Variants in ARID1B observed in about 807,000 individuals in gnomAD.
ARID1B encodes AT-rich interactive domain-containing protein 1B.
ARID1B carries 30 observed loss-of-function variants against 212.3 expected under a neutral mutation model. The observed-to-expected ratio is 0.14, with a 90% CI of 0.11 to 0.19. ARID1B has a LOEUF of 0.19. Ranked by LOEUF, ARID1B falls within the 10% of genes least tolerant of loss-of-function variation. ARID1B has a pLI of 1.00. For missense variants in ARID1B, 2,891 were observed against 3,204.0 expected, an observed-to-expected ratio of 0.90 and a Z score of 2.36; for synonymous variants, 1,402 against 1,301.7, an observed-to-expected ratio of 1.08 and a Z score of -1.66.
At chr6:156,822,672 T>A (rs577796094) in intron 1 of ARID1B, among the ~76,000 whole-genome samples, 1 of 152,358 alleles carries the variant, frequency 6.6e-6, no homozygotes, top group East Asian at 1.9e-4. Context: ...GACCAGAGTA[T>A]GCATTCAGTA....
At chr6:157,050,457 T>C (rs1782525634) in intron 4 of ARID1B, among the ~76,000 whole-genome samples, 1 of 152,226 alleles carries the variant, frequency 6.6e-6, no homozygotes, top group African/African-American at 2.4e-5. Flanking sequence ...GGCAGGAGAA[T>C]TGCTTGAACC....
In ARID1B at chr6:157,201,159, A is replaced by G; in HGVS notation, c.4934A>G (p.Tyr1645Cys). Reference protein sequence around the residue: ...WPSHVSQRQPYMSSSASMQPI... With the variant: ...WPSHVSQRQPCMSSSASMQPI... ...TCTCACGTCAGCCAGCGTCAGCCTT[A>G]TATGTCGTCCTCAGCCTCCATGCAG... is the stretch of plus-strand genomic sequence containing the variant. The change falls in exon 18 of 20, where the codon TAT (tyrosine) becomes TGT (cysteine). Residue 1645 changes from tyrosine (Y) to cysteine (C), a missense_variant. Around this residue, in one of 7 missense-constraint regions of ARID1B, gnomAD observed 666 missense variants for 873.5 expected, o/e 0.76. Coordinates refer to ENST00000636930, the MANE Select transcript of ARID1B (RefSeq NM_001374828.1). The surrounding 1 kb of genome is among the most constrained non-coding windows in gnomAD (Gnocchi z 5.2). The G allele has an allele frequency of 6.2e-7, 1 of 1,614,114 alleles. No homozygotes were observed. The highest frequency in any genetic ancestry group is 1.1e-5 in the South Asian group (1 of 91,082).
At chr6:157,149,150 C>T in intron 8 of ARID1B, 199 bp downstream of exon 8, 1 of 608,426 alleles carries the variant, frequency 1.6e-6, no homozygotes, top group Non-Finnish European at 2.9e-6. Flanking sequence ...TTTTATGATA[C>T]ATGAGGAAGG....
intron 4 of ARID1B, chr6:157,036,634 A>G (rs531449044): frequency 2.9e-6 from 1 of 343,676 alleles, no homozygotes; most frequent in African/African-American, 2.1e-5. Context: ...GTCTTATAGA[A>G]CTGAAACCCA....
At chr6:156,800,156 A>G (rs989218110) in intron 1 of ARID1B, among the ~76,000 whole-genome samples, 3 of 152,274 alleles carry the variant, frequency 2.0e-5, no homozygotes, top group Non-Finnish European at 4.4e-5. Context: ...CCTAAAGAGA[A>G]AACTCAGAAT....
At chr6:156,953,902 A>G (rs1447507740) in intron 4 of ARID1B, among the ~76,000 whole-genome samples, 1 of 152,208 alleles carries the variant, frequency 6.6e-6, no homozygotes, top group Non-Finnish European at 1.5e-5. Context: ...ATGTTTAAAA[A>G]TTACATTTTT....
At position 157,181,091 on chromosome 6, in the gene ARID1B, T is replaced by C; in HGVS notation, c.3627T>C (p.Pro1209=). 3.1e-6 allele frequency: 5 copies of C among 1,614,200 alleles called. No homozygotes were observed. Among genetic ancestry groups the C allele is most frequent in the Non-Finnish European group, 4.2e-6 (5 of 1,180,038 alleles). ...CCTTCATGGAAGAGAGAGGCTCTCC[T>C]GTCTCAAGTCTGCCTGCCGTGGGCA... ...YLTFMEERGS[P]VSSLPAVGKK... Residue 1209 remains proline, a synonymous_variant, in exon 12 of 20, where the codon CCT becomes CCC. Coordinates refer to ENST00000636930, the MANE Select transcript of ARID1B (RefSeq NM_001374828.1).
In ARID1B at chr6:157,200,717, C is replaced by G; in HGVS notation, c.4492C>G (p.His1498Asp). The change falls in exon 18 of 20, where the codon CAT (histidine) becomes GAT (aspartate). Residue 1498 changes from histidine to aspartate, a missense_variant. Coordinates refer to ENST00000636930, the MANE Select transcript of ARID1B (RefSeq NM_001374828.1). This position sits in a 1 kb window ranked among gnomAD's most constrained non-coding sequence, Gnocchi z 4.3. The stretch of plus-strand genomic sequence containing the variant: ...CTGTGAATTCCAGAATTACAAACGC[C>G]ATATGGACGGCATGTACGGGCCCCC... ...LYPQQPNYKR[H>D]MDGMYGPPAK... 2 of 1,608,262 alleles carry G rather than the reference C, an allele frequency of 1.2e-6. No individual in the cohort carries two copies. Among genetic ancestry groups the G allele is most frequent in the Non-Finnish European group, 1.7e-6 (2 of 1,177,274 alleles).
intron 4 of ARID1B, among the ~76,000 whole-genome samples, chr6:156,956,832 A>C (rs1794012787): frequency 6.6e-6 from 1 of 152,138 alleles, no homozygotes; most frequent in Non-Finnish European, 1.5e-5. Context: ...GTTATATACC[A>C]CCTGAAATAT....
chr6:157,017,164 A>G (rs1779961604), intron 4 of ARID1B, among the ~76,000 whole-genome samples: 1 of 152,214 alleles, frequency 6.6e-6, no homozygotes, highest in Admixed American at 6.5e-5. Context: ...TCTGCGCCCC[A>G]GGGAATGGAC....
intron 5 of ARID1B, among the ~76,000 whole-genome samples, chr6:157,109,244 T>C (rs1170671782): frequency 6.6e-6 from 1 of 152,144 alleles, no homozygotes; most frequent in Non-Finnish European, 1.5e-5. Flanking sequence ...GCCCTGACCT[T>C]CACGGGGGGC....
intron 4 of ARID1B, among the ~76,000 whole-genome samples, chr6:156,946,623 G>A (rs1479181779): frequency 1.3e-5 from 2 of 150,712 alleles, no homozygotes; most frequent in African/African-American, 2.4e-5. Flanking sequence ...GACACAACTT[G>A]AGAGTGTTAG....
intron 4 of ARID1B, among the ~76,000 whole-genome samples, chr6:157,058,643 A>T (rs557954058): frequency 4.3e-4 from 66 of 152,192 alleles, no homozygotes; most frequent in Non-Finnish European, 8.2e-4. Flanking sequence ...ATATGGCCTG[A>T]TGTTCACAGA....
chr6:156,888,030 A>C (rs1787654269), intron 2 of ARID1B, among the ~76,000 whole-genome samples: 1 of 152,160 alleles, frequency 6.6e-6, no homozygotes. Context: ...TAGTTATCTC[A>C]AAGAGAACAG....
intron 4 of ARID1B, among the ~76,000 whole-genome samples, chr6:157,041,700 T>G (rs1781887867): frequency 6.6e-6 from 1 of 152,142 alleles, no homozygotes; most frequent in African/African-American, 2.4e-5. Context: ...ACGCAACCAA[T>G]CAGTAACAGA....
intron 1 of ARID1B, among the ~76,000 whole-genome samples, chr6:156,795,792 A>G (rs1780327224): frequency 6.6e-6 from 1 of 152,130 alleles, no homozygotes; most frequent in Admixed American, 6.5e-5. Context: ...CCTTATGGGT[A>G]AAGTACAGTA....
chr6:157,004,631 T>TA lies in ARID1B; in HGVS notation c.2247+69056dup, dbSNP rs35309168. Reference sequence around the variant, plus strand: ...TAAGAACTCCCCCCAAAATGATAGTTACCTTAAATTTAGAAATGTGTTCGG... The same window carrying TA: ...TAAGAACTCCCCCCAAAATGATAGTTAACCTTAAATTTAGAAATGTGTTCGG... On this transcript the variant is annotated intron_variant, in intron 4 of 19. Coordinates refer to ENST00000636930, the MANE Select transcript of ARID1B (RefSeq NM_001374828.1). Among the ~76,000 whole-genome samples the TA allele has an allele frequency of 2.5e-3, 376 of 152,280 alleles. 1 individual carries two copies. The highest frequency in any genetic ancestry group is 0.017 in the Middle Eastern group (5 of 294).
chr6:156,943,372 A>G (rs891604456), intron 4 of ARID1B: 1 of 152,110 alleles, frequency 6.6e-6, no homozygotes, highest in African/African-American at 2.4e-5. Flanking sequence ...AGGCATTTTG[A>G]TGCCCCACTG....
chr6:156,932,728 A>C (rs1791849451), intron 3 of ARID1B, among the ~76,000 whole-genome samples: 1 of 152,234 alleles, frequency 6.6e-6, no homozygotes, highest in Non-Finnish European at 1.5e-5. Context: ...AAAACAGCCA[A>C]ACAGACTTTA....
Sources: allele counts gnomAD v4.1 joint callset (sites outside exome capture counted in the v4.1 genomes callset), GRCh38; gene constraint gnomAD v4.1.1; regional missense constraint gnomAD v4.1.1; non-coding constraint Gnocchi (gnomAD v3.1); transcripts MANE v1.5; gene names NCBI Gene and HGNC (gene_info 2026-07-23, HGNC 2026-07-21).